CACNA1B: variants seen among roughly 807,000 people sequenced by gnomAD.
CACNA1B encodes the protein voltage-dependent N-type calcium channel subunit alpha-1B.
In CACNA1B, 70 loss-of-function variants were observed where a neutral mutation model predicts 247.2. That is an observed-to-expected ratio of 0.28 (90% CI 0.23 to 0.35). CACNA1B has a LOEUF of 0.35. Among genes scored for constraint, CACNA1B ranks in the 10% least tolerant of loss-of-function variants. The pLI is 1.00. For missense variants in CACNA1B, 2,367 were observed against 3,197.4 expected (o/e 0.74, Z 6.26); for synonymous variants, 1,231 against 1,294.4 (o/e 0.95, Z 1.05).
In CACNA1B at chr9:138,059,201, G is replaced by C. The variant is rs1959625425; in HGVS notation, c.4584+12G>C. ...CCTTTGGGGTGCTGGTACGTGCTTT[G>C]GTCCCTGCTTTGCCTTTTGACAACC... is the stretch of plus-strand genomic sequence containing the variant. On this transcript the variant is annotated intron_variant, in intron 30 of 46. Coordinates refer to ENST00000371372, the MANE Select transcript of CACNA1B (RefSeq NM_000718.4). This position sits in a 1 kb window ranked among gnomAD's most constrained non-coding sequence, Gnocchi z 4.2. The C allele has an allele frequency of 6.5e-7, 1 of 1,536,818 alleles. No individual in the cohort carries two copies. The highest frequency in any genetic ancestry group is 9.0e-7 in the Non-Finnish European group (1 of 1,110,640).
Position 138,057,594 on chromosome 9 carries a change from T to C in CACNA1B, c.3969-138T>C, listed in dbSNP as rs1959558340. On this transcript the variant is annotated intron_variant, in intron 26 of 46. Coordinates refer to ENST00000371372, the MANE Select transcript of CACNA1B (RefSeq NM_000718.4). This position sits in a 1 kb window ranked among gnomAD's most constrained non-coding sequence, Gnocchi z 4.0. ...GTAGGGTCACATTCATTCTTCTGCA[T>C]GTGGACATCCAGTTTTCCCAGCACA... 1.4e-6 allele frequency: 1 copy of C among 728,326 alleles called. No homozygotes were observed. 45.1% of individuals were successfully genotyped at this position (728,326 alleles called of 1,614,324 possible). A position where few individuals can be genotyped will look rare whatever the true frequency, so the allele number is the denominator to read the frequency against.
rs140093967 is a variant in CACNA1B at position 137,901,419 on chromosome 9, G to A, written c.531-11761G>A. On this transcript the variant is annotated intron_variant, in intron 3 of 46. Transcript: ENST00000371372. ...TGTCTGCAACCTCCACCGCCCTCCC[G>A]GGTTCAAGTGATTTTCCTGCCTCAG... Among the ~76,000 whole-genome samples, 313 of 152,214 alleles carry A rather than the reference G, an allele frequency of 2.1e-3. 1 individual carries two copies. The highest frequency in any genetic ancestry group is 7.2e-3 in the African/African-American group (298 of 41,526).
At chr9:137,948,241 G>A (rs111634782) in intron 6 of CACNA1B, among the ~76,000 whole-genome samples, 3 of 152,024 alleles carry the variant, frequency 2.0e-5, no homozygotes, top group Admixed American at 6.6e-5. Flanking sequence ...TCGGCCTCCC[G>A]AAGTGCTGGG....
chr9:138,114,746 C>T (rs778278089), intron 41 of CACNA1B, among the ~76,000 whole-genome samples: 3 of 152,082 alleles, frequency 2.0e-5, no homozygotes, highest in Non-Finnish European at 4.4e-5. Flanking sequence ...AAGTTGAGGG[C>T]TGGGCTGGGC....
At chr9:138,038,116 C>CA (rs1959069094) in intron 20 of CACNA1B, among the ~76,000 whole-genome samples, 1 of 152,112 alleles carries the variant, frequency 6.6e-6, no homozygotes, top group African/African-American at 2.4e-5. Flanking sequence ...CAAATAGGAC[C>CA]AGTGAGAGCT....
rs1957871353 is a variant in CACNA1B, at chr9:137,950,983, A to T, written c.967-1291A>T. ...AGTTGGCTACTGATGGGAACACTCC[A>T]CTGGGGAGGGAAATTGCGGGAGCCA... is the stretch of plus-strand genomic sequence containing the variant. On this transcript the variant is annotated intron_variant, in intron 6 of 46. Coordinates refer to ENST00000371372, the MANE Select transcript of CACNA1B (RefSeq NM_000718.4). This position sits in a 1 kb window ranked among gnomAD's most constrained non-coding sequence, Gnocchi z 4.8. 6.6e-6 allele frequency among the ~76,000 whole-genome samples: 1 copy of T among 152,198 alleles called. No homozygotes were observed. Among genetic ancestry groups the T allele is most frequent in the African/African-American group, 2.4e-5 (1 of 41,456 alleles).
At chr9:137,995,182 A>C (rs1336266321) in intron 15 of CACNA1B, among the ~76,000 whole-genome samples, 1 of 149,846 alleles carries the variant, frequency 6.7e-6, no homozygotes, top group East Asian at 2.0e-4. Context: ...ATTGCACTCC[A>C]GTCTGGGTGA....
intron 6 of CACNA1B, among the ~76,000 whole-genome samples, chr9:137,937,804 G>T (rs1483646371): frequency 6.6e-6 from 1 of 151,740 alleles, no homozygotes. Flanking sequence ...AAAATTAGCT[G>T]GGAATGGTGG....
chr9:138,017,132 T>C (rs370608180), intron 18 of CACNA1B: 45 of 518,924 alleles, frequency 8.7e-5, no homozygotes, highest in Non-Finnish European at 1.6e-4. Context: ...GTTTTTTGCA[T>C]GTGCAGTTTT....
At chr9:138,041,050 A>G (rs1488973282) in intron 20 of CACNA1B, among the ~76,000 whole-genome samples, 5 of 152,192 alleles carry the variant, frequency 3.3e-5, no homozygotes, top group Admixed American at 3.3e-4. Context: ...GGGAAACAAT[A>G]GCTTAAATTA....
Position 137,881,971 on chromosome 9 carries a change from C to T in CACNA1B, c.391-773C>T, listed in dbSNP as rs1332748164. Among the ~76,000 whole-genome samples, 1 of 152,152 alleles carries T rather than the reference C, an allele frequency of 6.6e-6. No individual in the cohort carries two copies. Among genetic ancestry groups the T allele is most frequent in the Non-Finnish European group, 1.5e-5 (1 of 68,020 alleles). ...CAGGCGCCACGCCCTCTGGGAGGCT[C>T]CCTGCGGTCTGAGCCCAGGGTGGCT... On this transcript the variant is annotated intron_variant, in intron 2 of 46. Transcript: ENST00000371372. This position sits in a 1 kb window ranked among gnomAD's most constrained non-coding sequence, Gnocchi z 4.3.
intron 3 of CACNA1B, among the ~76,000 whole-genome samples, chr9:137,898,530 G>A (rs1957196552): frequency 6.6e-6 from 1 of 151,868 alleles, no homozygotes; most frequent in Non-Finnish European, 1.5e-5. Flanking sequence ...TTTTGAGACA[G>A]GGTCTTAATC....
In CACNA1B at chr9:137,952,872, T is replaced by C. The variant is rs1564205120; in HGVS notation, c.1070+495T>C. Among the ~76,000 whole-genome samples, 1 of 152,060 alleles carries C rather than the reference T, an allele frequency of 6.6e-6. No homozygotes were observed. Among genetic ancestry groups the C allele is most frequent in the Non-Finnish European group, 1.5e-5 (1 of 68,012 alleles). On this transcript the variant is annotated intron_variant, in intron 7 of 46. Transcript: ENST00000371372. This position sits in a 1 kb window ranked among gnomAD's most constrained non-coding sequence, Gnocchi z 4.8. Reference sequence around the variant, plus strand: ...TCTGTGGCCACAGAGAGCCCCTCTGTTACTGTGGTGAGAAATAACTGGGGG... The same window carrying C: ...TCTGTGGCCACAGAGAGCCCCTCTGCTACTGTGGTGAGAAATAACTGGGGG...
chr9:138,059,740 A>G lies in CACNA1B; in HGVS notation c.4668+3A>G, dbSNP rs768181192. Reference sequence around the variant, plus strand: ...ATATTTTAGTAACAGAGATTGCGGTAAGTAGCATTTCTGTCCCTCCTTCAG... The same window carrying G: ...ATATTTTAGTAACAGAGATTGCGGTGAGTAGCATTTCTGTCCCTCCTTCAG... On this transcript the variant is annotated splice_donor_region_variant and intron_variant, in intron 31 of 46. Transcript: ENST00000371372. This position sits in a 1 kb window ranked among gnomAD's most constrained non-coding sequence, Gnocchi z 4.2. 1 of 1,567,918 alleles carries G rather than the reference A, an allele frequency of 6.4e-7. No individual in the cohort carries two copies. The highest frequency in any genetic ancestry group is 8.8e-7 in the Non-Finnish European group (1 of 1,137,958).
intron 10 of CACNA1B, among the ~76,000 whole-genome samples, chr9:137,958,046 A>G (rs113800778): frequency 6.6e-6 from 1 of 152,080 alleles, no homozygotes; most frequent in Middle Eastern, 3.2e-3. Flanking sequence ...CTTCCTCTCT[A>G]TCTGGTACCA....
chr9:137,984,182 G>T lies in CACNA1B; in HGVS notation c.1701G>T (p.Lys567Asn). 6.2e-7 allele frequency: 1 copy of T among 1,605,054 alleles called. No homozygotes were observed. The highest frequency in any genetic ancestry group is 8.5e-7 in the Non-Finnish European group (1 of 1,176,166). ...TTGAAGTGGTCTGGGCGGCCATCAA[G>T]CCGGGAAGCTCCTTTGGGATCAGTG... ...SVFEVVWAAI[K>N]PGSSFGISVL... The change falls in exon 13 of 47, where the codon AAG becomes AAT. Residue 567 changes from lysine (K) to asparagine (N), a missense_variant. By Grantham distance (94) the Lys-to-Asn change is moderately conservative. Around this residue, in one of 12 missense-constraint regions of CACNA1B, gnomAD observed 219 missense variants for 297.6 expected, o/e 0.74. Coordinates refer to ENST00000371372, the MANE Select transcript of CACNA1B (RefSeq NM_000718.4).
Position 137,986,484 on chromosome 9 carries a change from T to A in CACNA1B, c.1841T>A (p.Phe614Tyr). The A allele has an allele frequency of 6.2e-7, 1 of 1,613,936 alleles. No individual in the cohort carries two copies. The highest frequency in any genetic ancestry group is 8.5e-7 in the Non-Finnish European group (1 of 1,179,840). ...ATGAAGTCCATCATCAGCCTGCTCT[T>A]CTTGCTCTTCCTGTTCATTGTGGTC... is the stretch of plus-strand genomic sequence containing the variant. ...NSMKSIISLL[F>Y]LLFLFIVVFA... The change falls in exon 14 of 47, where the codon TTC becomes TAC. Residue 614 changes from phenylalanine (F) to tyrosine (Y), a missense_variant. By Grantham distance (22) the Phe-to-Tyr change is conservative (BLOSUM62 3). Coordinates refer to ENST00000371372, the MANE Select transcript of CACNA1B (RefSeq NM_000718.4). This position sits in a 1 kb window ranked among gnomAD's most constrained non-coding sequence, Gnocchi z 6.0.
intron 24 of CACNA1B, chr9:138,049,985 G>C (rs1031103500): frequency 1.1e-6 from 1 of 886,468 alleles, no homozygotes. Flanking sequence ...AGACATGAGG[G>C]AGGGTCCACA....
At chr9:138,030,834 A>C (rs867639079) in intron 20 of CACNA1B, among the ~76,000 whole-genome samples, 5 of 152,138 alleles carry the variant, frequency 3.3e-5, no homozygotes, top group African/African-American at 9.7e-5. Flanking sequence ...AAGTGTATAC[A>C]GTTGTTTGTG....
Sources: allele counts gnomAD v4.1 joint callset (sites outside exome capture counted in the v4.1 genomes callset), GRCh38; gene constraint gnomAD v4.1.1; regional missense constraint gnomAD v4.1.1; non-coding constraint Gnocchi (gnomAD v3.1); transcripts MANE v1.5; gene names NCBI Gene and HGNC (gene_info 2026-07-23, HGNC 2026-07-21).